SMARCC1: variants seen among roughly 807,000 people sequenced by gnomAD.
SMARCC1 encodes SWI/SNF related BAF chromatin remodeling complex subunit C1.
SMARCC1 carries 43 observed loss-of-function variants against 147.4 expected under a neutral mutation model. That is an observed-to-expected ratio of 0.29 (90% CI 0.23 to 0.38). The LOEUF is 0.38. SMARCC1 is among the 10% of genes least tolerant of loss of function. The pLI is 1.00. For synonymous variants in SMARCC1, 495 were observed against 484.4 expected, an observed-to-expected ratio of 1.02 and a Z score of -0.29; for missense variants, 1,119 against 1,381.1, an observed-to-expected ratio of 0.81 and a Z score of 3.01.
At chr3:47,760,702 C>A (rs550263187) in intron 2 of SMARCC1, among the ~76,000 whole-genome samples, 1 of 152,058 alleles carries the variant, frequency 6.6e-6, no homozygotes, top group Non-Finnish European at 1.5e-5. Context: ...AACAAACAAA[C>A]GTCAATCAGC....
intron 18 of SMARCC1, among the ~76,000 whole-genome samples, chr3:47,671,184 A>AAAAAAAAAAAAAAAAG (rs2033493799): frequency 6.9e-6 from 1 of 145,118 alleles, no homozygotes; most frequent in Non-Finnish European, 1.5e-5. Context: ...AAAAAAAAAA[A>AAAAAAAAAAAAAAAAG]AAAAAAAAAA....
intron 7 of SMARCC1, 88 bp downstream of exon 7, chr3:47,720,578 G>T (rs1203989323): frequency 2.6e-5 from 23 of 895,026 alleles, no homozygotes; most frequent in Non-Finnish European, 3.7e-5. Flanking sequence ...GCAACAAATT[G>T]TCACTATTCA....
At chr3:47,606,925 G>C (rs2032485415) in intron 26 of SMARCC1, among the ~76,000 whole-genome samples, 1 of 150,910 alleles carries the variant, frequency 6.6e-6, no homozygotes, top group African/African-American at 2.4e-5. Context: ...ATATTGCCCA[G>C]GCTGGTCTCA....
chr3:47,772,983 G>A, intron 1 of SMARCC1, 47 bp from the exon 2 acceptor site: 4 of 1,593,660 alleles, frequency 2.5e-6, no homozygotes, highest in Admixed American at 1.7e-5. Flanking sequence ...ATTTTTGCAG[G>A]AGAAAATGTT....
chr3:47,719,415 A>T (rs899883542), intron 7 of SMARCC1, among the ~76,000 whole-genome samples: 3 of 151,716 alleles, frequency 2.0e-5, no homozygotes, highest in Non-Finnish European at 4.4e-5. Context: ...AAGCAAACTG[A>T]TCAGGCTGGA....
intron 26 of SMARCC1, chr3:47,604,039 A>T (rs1430079677): frequency 2.2e-6 from 1 of 456,826 alleles, no homozygotes; most frequent in Admixed American, 2.3e-5. Context: ...AATCAAAGGT[A>T]GGGGACAGGG....
chr3:47,658,101 C>G (rs191483959), intron 21 of SMARCC1, among the ~76,000 whole-genome samples: 72 of 152,016 alleles, frequency 4.7e-4, no homozygotes, highest in Non-Finnish European at 7.4e-5. Flanking sequence ...TTTGAAGAGA[C>G]AAAATTGACA....
chr3:47,752,458 C>T (rs1430588965), intron 2 of SMARCC1, among the ~76,000 whole-genome samples: 1 of 152,108 alleles, frequency 6.6e-6, no homozygotes, highest in Non-Finnish European at 1.5e-5. Context: ...GATGTTAGAG[C>T]AAATACTTGT....
At chr3:47,629,529 G>A (rs1458321527) in intron 24 of SMARCC1, among the ~76,000 whole-genome samples, 2 of 152,182 alleles carry the variant, frequency 1.3e-5, no homozygotes, top group Non-Finnish European at 2.9e-5. Context: ...TGCTGTGTCA[G>A]TTTGGGGTTC....
chr3:47,689,428 C>T lies in SMARCC1; in HGVS notation c.1226-4G>A. On this transcript the variant is annotated splice_polypyrimidine_tract_variant and splice_region_variant and intron_variant, in intron 12 of 27. Transcript: ENST00000254480. ...ACTGTTTCTTCATCCTGCTCATCTG[C>T]AAAACCAAAACACACAATTCATTTT... 8.1e-6 allele frequency: 13 copies of T among 1,611,152 alleles called. No individual in the cohort carries two copies. The highest frequency in any genetic ancestry group is 1.0e-5 in the Non-Finnish European group (12 of 1,177,402).
In SMARCC1 at chr3:47,654,341, G is replaced by T. The variant is rs183016314; in HGVS notation, c.2320+6953C>A. Among the ~76,000 whole-genome samples the T allele has an allele frequency of 4.6e-5, 7 of 152,244 alleles. No homozygotes were observed. In the East Asian group the frequency reaches 1.4e-3, roughly 29 times the overall value. The stretch of plus-strand genomic sequence containing the variant: ...CTGGTGGTGCAGAATCAACATAGAA[G>T]AACAGAGACGTGACTTCGCCTGCTA... On this transcript the variant is annotated intron_variant, in intron 21 of 27. Transcript: ENST00000254480.
chr3:47,659,760 A>AAGGGGGGG (rs373959195), intron 21 of SMARCC1, among the ~76,000 whole-genome samples: 1 of 47,780 alleles, frequency 2.1e-5, no homozygotes, highest in African/African-American at 9.1e-5. Flanking sequence ...GAAAAAAAAA[A>AAGGGGGGG]GGGGGGGGGG....
At chr3:47,598,275 T>C (rs1036676070) in intron 26 of SMARCC1, among the ~76,000 whole-genome samples, 1 of 152,192 alleles carries the variant, frequency 6.6e-6, no homozygotes, top group Non-Finnish European at 1.5e-5. Flanking sequence ...GGAGGCCTAC[T>C]TTTAAAACTA....
intron 26 of SMARCC1, among the ~76,000 whole-genome samples, chr3:47,594,497 G>A (rs1043550352): frequency 2.0e-5 from 3 of 152,176 alleles, no homozygotes; most frequent in African/African-American, 7.2e-5. Context: ...AGGCAGTGTT[G>A]AAGAGTCTGC....
intron 15 of SMARCC1, 186 bp downstream of exon 15, chr3:47,680,251 C>CA: frequency 3.9e-6 from 2 of 513,928 alleles, no homozygotes; most frequent in East Asian, 3.9e-5. Context: ...CCCCCCAAAA[C>CA]AAAAAACGAA....
At chr3:47,712,133 G>A (rs1321975576) in intron 8 of SMARCC1, among the ~76,000 whole-genome samples, 2 of 152,182 alleles carry the variant, frequency 1.3e-5, no homozygotes, top group Non-Finnish European at 2.9e-5. Flanking sequence ...TCGGGAGGCT[G>A]AGGCAGGAGA....
intron 26 of SMARCC1, among the ~76,000 whole-genome samples, chr3:47,600,546 CAA>C (rs1457042274): frequency 6.6e-6 from 1 of 152,176 alleles, no homozygotes; most frequent in African/African-American, 2.4e-5. Flanking sequence ...TAATTTGGCG[CAA>C]AGTCACAATG....
At chr3:47,668,828 T>A (rs2033456942) in intron 19 of SMARCC1, among the ~76,000 whole-genome samples, 1 of 148,708 alleles carries the variant, frequency 6.7e-6, no homozygotes, top group Non-Finnish European at 1.5e-5. Context: ...GAGGCTGCAG[T>A]GGACTGAGAC....
At chr3:47,646,459 A>C (rs1308750116) in intron 21 of SMARCC1, among the ~76,000 whole-genome samples, 1 of 152,224 alleles carries the variant, frequency 6.6e-6, no homozygotes, top group Admixed American at 6.5e-5. Flanking sequence ...CGACTTAAAC[A>C]AGAAGGCATA....
Sources: allele counts gnomAD v4.1 joint callset (sites outside exome capture counted in the v4.1 genomes callset), GRCh38; gene constraint gnomAD v4.1.1; transcripts MANE v1.5; gene names NCBI Gene and HGNC (gene_info 2026-07-23, HGNC 2026-07-21).